Variants in MACROD2 observed in about 807,000 individuals in gnomAD.
The protein encoded by MACROD2 is ADP-ribose glycohydrolase MACROD2.
Under a neutral mutation model 70.4 loss-of-function variants are expected in MACROD2, and 36 were observed. The ratio of observed to expected loss-of-function variants is 0.51; its 90% CI spans 0.39 to 0.68. MACROD2 has a LOEUF of 0.68. Among genes scored for constraint, MACROD2 ranks in the 30% least tolerant of loss-of-function variants. The pLI is 0.00. For missense variants in MACROD2, 496 were observed against 538.4 expected, an observed-to-expected ratio of 0.92 and a Z score of 0.78; for synonymous variants, 172 against 178.8, an observed-to-expected ratio of 0.96 and a Z score of 0.30.
At position 15,096,939 on chromosome 20, in the gene MACROD2, G is replaced by A. The variant is rs2075838055; in HGVS notation, c.419-133001G>A. On this transcript the variant is annotated intron_variant, in intron 5 of 17. Transcript: ENST00000684519. ...CAATTATCTTACCTCAGCCTCCCAA[G>A]TAGAGGGAATTACAGGTGCTCGCCA... Among the ~76,000 whole-genome samples, 6 of 151,234 alleles carry A rather than the reference G, an allele frequency of 4.0e-5. No homozygotes were observed. In the Admixed American group the frequency reaches 4.0e-4, roughly 10 times the overall value.
intron 5 of MACROD2, among the ~76,000 whole-genome samples, chr20:14,999,772 C>G (rs2074978546): frequency 6.6e-6 from 1 of 152,182 alleles, no homozygotes; most frequent in Non-Finnish European, 1.5e-5. Flanking sequence ...TGTCATCAAT[C>G]TAAAATAATG....
chr20:16,003,081 C>CA (rs1491505154), intron 15 of MACROD2, among the ~76,000 whole-genome samples: 736 of 11,472 alleles, frequency 0.064, 7 homozygotes, highest in African/African-American at 0.1. Context: ...CACCCACCCA[C>CA]CCACACACAC....
intron 6 of MACROD2, among the ~76,000 whole-genome samples, chr20:15,278,723 T>C (rs1315642209): frequency 6.6e-6 from 1 of 152,216 alleles, no homozygotes; most frequent in Non-Finnish European, 1.5e-5. Flanking sequence ...TTACTCTCCG[T>C]ACCAAGTCTA....
chr20:15,733,146 G>A (rs2050969858), intron 8 of MACROD2, among the ~76,000 whole-genome samples: 1 of 152,024 alleles, frequency 6.6e-6, no homozygotes, highest in African/African-American at 2.4e-5. Flanking sequence ...TGGGCATAGA[G>A]TTTTTCATAG....
chr20:15,333,954 G>A (rs1036929043), intron 6 of MACROD2, among the ~76,000 whole-genome samples: 2 of 151,562 alleles, frequency 1.3e-5, no homozygotes, highest in Middle Eastern at 3.2e-3. Context: ...ATTTTTCCAA[G>A]TAGAGCAATG....
intron 5 of MACROD2, among the ~76,000 whole-genome samples, chr20:15,229,402 G>A (rs559752244): frequency 3.4e-4 from 52 of 152,226 alleles, no homozygotes; most frequent in Non-Finnish European, 1.9e-4. Context: ...AAATTGGCAG[G>A]AATGTTTTGC....
chr20:15,788,465 A>T (rs913081431), intron 8 of MACROD2, among the ~76,000 whole-genome samples: 3 of 143,848 alleles, frequency 2.1e-5, no homozygotes, highest in African/African-American at 6.0e-5. Context: ...AAATTGAGTT[A>T]TGACATGAGT....
chr20:14,000,568 A>T (rs2052720438), intron 1 of MACROD2, among the ~76,000 whole-genome samples: 1 of 152,210 alleles, frequency 6.6e-6, no homozygotes, highest in South Asian at 2.1e-4. Flanking sequence ...GAGTATGAGA[A>T]ATAACTGTCT....
At chr20:14,065,982 C>T (rs1338168923) in intron 2 of MACROD2, among the ~76,000 whole-genome samples, 2 of 152,210 alleles carry the variant, frequency 1.3e-5, no homozygotes, top group Non-Finnish European at 2.9e-5. Flanking sequence ...CATAACCTCT[C>T]AGTACTTTAG....
chr20:15,284,456 T>G (rs1384128386), intron 6 of MACROD2, among the ~76,000 whole-genome samples: 1 of 152,144 alleles, frequency 6.6e-6, no homozygotes, highest in Non-Finnish European at 1.5e-5. Context: ...ATTTTTTGTG[T>G]GGGGGAGGTG....
chr20:14,912,937 T>G (rs1272962962), intron 5 of MACROD2, among the ~76,000 whole-genome samples: 1 of 152,204 alleles, frequency 6.6e-6, no homozygotes, highest in Non-Finnish European at 1.5e-5. Flanking sequence ...GGCTTTGGGC[T>G]TGCAGTTGGC....
intron 8 of MACROD2, among the ~76,000 whole-genome samples, chr20:15,606,876 C>A (rs2048900898): frequency 6.6e-6 from 1 of 152,026 alleles, no homozygotes; most frequent in African/African-American, 2.4e-5. Context: ...GTGGCGCATG[C>A]CTTTAATCCC....
chr20:15,352,826 C>G (rs1204603086), intron 6 of MACROD2, among the ~76,000 whole-genome samples: 1 of 151,916 alleles, frequency 6.6e-6, no homozygotes, highest in Non-Finnish European at 1.5e-5. Context: ...AGGAGAACTA[C>G]AAACCACTGC....
At chr20:14,751,960 C>T (rs6079553) in intron 5 of MACROD2, among the ~76,000 whole-genome samples, 61,269 of 151,596 alleles carry the variant, frequency 0.4, 13,740 homozygotes, top group Non-Finnish European at 0.51. Flanking sequence ...TTAGGAAATA[C>T]CCTCTTCCTG....
chr20:15,944,724 A>T (rs886189935), intron 12 of MACROD2, among the ~76,000 whole-genome samples: 2 of 152,124 alleles, frequency 1.3e-5, no homozygotes, highest in African/African-American at 4.8e-5. Flanking sequence ...ATAGTTTTTT[A>T]ATTTTTTTGG....
intron 5 of MACROD2, among the ~76,000 whole-genome samples, chr20:15,045,920 T>C (rs1020027625): frequency 1.2e-4 from 18 of 151,974 alleles, no homozygotes; most frequent in African/African-American, 4.3e-4. Context: ...TTCTGCTGGC[T>C]CGCCTCTCCA....
intron 5 of MACROD2, chr20:14,895,023 A>G (rs1286162899): frequency 2.0e-5 from 3 of 152,196 alleles, no homozygotes; most frequent in Non-Finnish European, 4.4e-5. Context: ...TAGAGATTCT[A>G]TTAACGAGAA....
chr20:14,165,738 A>G (rs1028817418), intron 3 of MACROD2, among the ~76,000 whole-genome samples: 7 of 152,280 alleles, frequency 4.6e-5, no homozygotes, highest in African/African-American at 1.7e-4. Context: ...CCTGCCACAG[A>G]ATGGCTACTC....
At chr20:15,333,932 C>T (rs1290659058) in intron 6 of MACROD2, among the ~76,000 whole-genome samples, 2 of 151,566 alleles carry the variant, frequency 1.3e-5, no homozygotes, top group Non-Finnish European at 2.9e-5. Flanking sequence ...AAGAAAATTT[C>T]AAAAGGAATA....
Sources: allele counts gnomAD v4.1 joint callset (sites outside exome capture counted in the v4.1 genomes callset), GRCh38; gene constraint gnomAD v4.1.1; transcripts MANE v1.5; gene names NCBI Gene and HGNC (gene_info 2026-07-23, HGNC 2026-07-21).